Variants in BICDL1 observed in about 807,000 individuals in gnomAD.
BICDL1 encodes BICD family like cargo adaptor 1.
BICDL1 carries 20 observed loss-of-function variants against 76.8 expected under a neutral mutation model. The ratio of observed to expected loss-of-function variants is 0.26; its 90% CI spans 0.18 to 0.38. BICDL1 has a LOEUF of 0.38. BICDL1 is among the 10% of genes least tolerant of loss of function. BICDL1 has a pLI of 1.00. For missense variants in BICDL1, 700 were observed against 798.6 expected, an observed-to-expected ratio of 0.88 and a Z score of 1.49; for synonymous variants, 383 against 337.1, an observed-to-expected ratio of 1.14 and a Z score of -1.49.
In BICDL1 at chr12:120,061,280, C is replaced by A. The variant is rs7316129; in HGVS notation, c.646-430C>A. On this transcript the variant is annotated intron_variant, in intron 2 of 9. Coordinates refer to ENST00000548673, the MANE Select transcript of BICDL1 (RefSeq NM_001367886.1). ...AGTAGAGGAGAGAAATGCAGATGCA[C>A]GTGATTTGACTGAGCCCACTTGAGG... Among the ~76,000 whole-genome samples the A allele has an allele frequency of 5.1e-3, 770 of 152,194 alleles. 5 individuals carry two copies. Among genetic ancestry groups the A allele is most frequent in the African/African-American group, 0.016 (681 of 41,532 alleles).
intron 2 of BICDL1, among the ~76,000 whole-genome samples, chr12:120,036,596 TCA>T (rs1397020072): frequency 4.6e-5 from 7 of 152,104 alleles, no homozygotes; most frequent in Non-Finnish European, 1.0e-4. Context: ...GAATCTTAGG[TCA>T]GGCACAGTGG....
chr12:120,029,777 C>G (rs1243055032), intron 2 of BICDL1, among the ~76,000 whole-genome samples: 2 of 152,086 alleles, frequency 1.3e-5, no homozygotes, highest in Non-Finnish European at 1.5e-5. Flanking sequence ...GCCTCAGCCT[C>G]CCAGGTAGCT....
chr12:120,088,936 T>G (rs900172382), intron 8 of BICDL1, among the ~76,000 whole-genome samples: 10 of 152,200 alleles, frequency 6.6e-5, no homozygotes, highest in African/African-American at 2.4e-4. Flanking sequence ...AGTGCTGGAA[T>G]TACAGGGGTG....
intron 2 of BICDL1, among the ~76,000 whole-genome samples, chr12:120,015,237 T>C (rs1952036533): frequency 6.6e-6 from 1 of 152,220 alleles, no homozygotes; most frequent in South Asian, 2.1e-4. Context: ...TTTTTTCCCA[T>C]TGTCAGATAC....
intron 1 of BICDL1, among the ~76,000 whole-genome samples, chr12:119,996,943 CAA>C (rs1025116160): frequency 6.7e-6 from 1 of 148,518 alleles, no homozygotes; most frequent in East Asian, 1.9e-4. Flanking sequence ...ATCTCAGAAA[CAA>C]AAAGATTTTT....
intron 2 of BICDL1, among the ~76,000 whole-genome samples, chr12:120,035,777 C>G (rs560055100): frequency 2.2e-4 from 33 of 152,274 alleles, no homozygotes; most frequent in African/African-American, 7.5e-4. Flanking sequence ...GTGTTGCCAG[C>G]ACAACTCTTA....
intron 2 of BICDL1, among the ~76,000 whole-genome samples, chr12:120,011,975 T>G (rs920381061): frequency 1.3e-5 from 2 of 152,202 alleles, no homozygotes; most frequent in African/African-American, 4.8e-5. Flanking sequence ...ATTCCTTCGC[T>G]CTCTAAATGT....
At chr12:120,082,729 G>A (rs1031782150) in intron 8 of BICDL1, among the ~76,000 whole-genome samples, 5 of 151,282 alleles carry the variant, frequency 3.3e-5, no homozygotes, top group Non-Finnish European at 7.4e-5. Context: ...CCACCATGCC[G>A]GGCAGATTTT....
intron 8 of BICDL1, among the ~76,000 whole-genome samples, chr12:120,084,863 C>G (rs932439992): frequency 6.6e-6 from 1 of 151,280 alleles, no homozygotes; most frequent in African/African-American, 2.4e-5. Context: ...GCACTCCAGC[C>G]TGGGCAACAG....
chr12:120,091,232 G>A, intron 9 of BICDL1: 1 of 1,158,134 alleles, frequency 8.6e-7, no homozygotes, highest in Non-Finnish European at 1.1e-6. Context: ...AACGGCTGGT[G>A]CCGTCTTCTC....
chr12:119,996,607 C>CAGAT (rs66626188), intron 1 of BICDL1, among the ~76,000 whole-genome samples: 97 of 71,228 alleles, frequency 1.4e-3, no homozygotes, highest in Middle Eastern at 0.012. Context: ...TTAGTTCATT[C>CAGAT]AGTCTCAGTG....
intron 2 of BICDL1, among the ~76,000 whole-genome samples, chr12:120,056,208 A>G (rs1461768032): frequency 6.6e-6 from 1 of 152,002 alleles, no homozygotes; most frequent in Non-Finnish European, 1.5e-5. Flanking sequence ...ACTTTTTTTT[A>G]CTCTGAACAG....
intron 8 of BICDL1, among the ~76,000 whole-genome samples, chr12:120,088,571 G>A (rs1185080426): frequency 6.6e-6 from 1 of 151,922 alleles, no homozygotes; most frequent in Non-Finnish European, 1.5e-5. Context: ...TGGCCAGGCT[G>A]GTCTCGAACT....
chr12:120,074,683 G>A (rs1873397846), intron 7 of BICDL1, 97 bp downstream of exon 7: 1 of 927,546 alleles, frequency 1.1e-6, no homozygotes, highest in Non-Finnish European at 1.3e-6. Context: ...TTCTGTGTGA[G>A]AAGTGGCTCT....
chr12:120,031,389 A>C (rs1566230416), intron 2 of BICDL1, among the ~76,000 whole-genome samples: 2 of 152,068 alleles, frequency 1.3e-5, no homozygotes, highest in Admixed American at 1.3e-4. Flanking sequence ...TATTTTTAGT[A>C]GAGATGGGGT....
chr12:120,017,221 T>G (rs1952083963), intron 2 of BICDL1, among the ~76,000 whole-genome samples: 1 of 152,180 alleles, frequency 6.6e-6, no homozygotes, highest in South Asian at 2.1e-4. Flanking sequence ...ATCAGCAGAT[T>G]GATAAAACAA....
Position 120,072,539 on chromosome 12 carries a change from G to C in BICDL1, c.1118G>C (p.Cys373Ser), listed in dbSNP as rs1304182299. The change falls in exon 6 of 10, where the codon TGC (cysteine) becomes TCC (serine). Residue 373 changes from cysteine (C) to serine (S), a missense_variant. Physicochemically the swap from Cys to Ser is moderately radical, Grantham distance 112. Transcript: ENST00000548673. ...AGACTGCAGCTCTGGGAAGCCTACT[G>C]CCAGGTTCGCTATCTGTGCTCACAC... The part of the protein sequence containing the change: ...QLRLQLWEAY[C>S]QVRYLCSHLR... 1.9e-6 allele frequency: 3 copies of C among 1,614,030 alleles called. No homozygotes were observed. Among genetic ancestry groups the C allele is most frequent in the African/African-American group, 1.3e-5 (1 of 74,922 alleles).
At chr12:119,996,679 G>T (rs1255717177) in intron 1 of BICDL1, among the ~76,000 whole-genome samples, 4 of 123,708 alleles carry the variant, frequency 3.2e-5, no homozygotes, top group African/African-American at 1.7e-4. Context: ...TACATATACA[G>T]ATACACACAC....
chr12:119,991,097 G>A (rs1254647383), intron 1 of BICDL1, among the ~76,000 whole-genome samples: 1 of 152,064 alleles, frequency 6.6e-6, no homozygotes, highest in Admixed American at 6.5e-5. Flanking sequence ...CTAGAAAAGG[G>A]CCTTGAATGC....
Sources: gnomAD v4.1 joint callset for allele counts (sites outside exome capture counted in the v4.1 genomes callset) on GRCh38, gnomAD v4.1.1 for gene constraint, MANE v1.5 for transcripts, NCBI Gene and HGNC (gene_info 2026-07-23, HGNC 2026-07-21) for gene names.